Variants in FAM163A observed in about 807,000 individuals in gnomAD.
The protein encoded by FAM163A is protein FAM163A.
In FAM163A, 7 loss-of-function variants were observed where a neutral mutation model predicts 12.0. The observed-to-expected ratio is 0.58, with a 90% CI of 0.33 to 1.10. The LOEUF (loss-of-function observed/expected upper bound fraction) is 1.10, where lower values mean the gene tolerates loss of function less well. Ranked by LOEUF, FAM163A falls within the 50% of genes least tolerant of loss-of-function variation. The pLI is 0.03. For missense variants in FAM163A, 202 were observed against 218.6 expected (o/e 0.92, Z 0.48); for synonymous variants, 101 against 91.0 (o/e 1.11, Z -0.62).
chr1:179,757,798 C>T (rs1337772253), intron 1 of FAM163A, among the ~76,000 whole-genome samples: 3 of 150,328 alleles, frequency 2.0e-5, no homozygotes, highest in Non-Finnish European at 4.4e-5. Flanking sequence ...AGCGACAAAG[C>T]GAGACTGTCT....
At chr1:179,759,638 G>A (rs1029184467) in intron 1 of FAM163A, among the ~76,000 whole-genome samples, 1 of 152,050 alleles carries the variant, frequency 6.6e-6, no homozygotes, top group African/African-American at 2.4e-5. Flanking sequence ...GGAGGTGCAA[G>A]GTGGGACTGG....
At chr1:179,789,874 G>A (rs1369216499) in intron 1 of FAM163A, among the ~76,000 whole-genome samples, 4 of 152,218 alleles carry the variant, frequency 2.6e-5, no homozygotes, top group South Asian at 4.1e-4. Context: ...CATATTTTGG[G>A]TTGTGGGAAA....
At chr1:179,768,289 A>G (rs1571387665) in intron 1 of FAM163A, among the ~76,000 whole-genome samples, 1 of 152,118 alleles carries the variant, frequency 6.6e-6, no homozygotes, top group East Asian at 1.9e-4. Flanking sequence ...TTATTTTGCA[A>G]CTCATCACCC....
At chr1:179,740,151 T>G (rs1267336053), upstream of FAM163A, among the ~76,000 whole-genome samples, 2 of 149,120 alleles carry the variant, frequency 1.3e-5, no homozygotes, top group Non-Finnish European at 3.0e-5. Context: ...AAACAAATGT[T>G]TGTGGCAACT....
chr1:179,774,980 G>A (rs1688752223), intron 1 of FAM163A, among the ~76,000 whole-genome samples: 1 of 152,270 alleles, frequency 6.6e-6, no homozygotes, highest in South Asian at 2.1e-4. Flanking sequence ...CAAAACGCAC[G>A]GCAAAGCAAG....
At chr1:179,779,136 G>T (rs1037331241) in intron 1 of FAM163A, among the ~76,000 whole-genome samples, 2 of 152,214 alleles carry the variant, frequency 1.3e-5, no homozygotes, top group African/African-American at 4.8e-5. Context: ...TAATTTGGGT[G>T]TTAAGAATCT....
chr1:179,806,689 G>A (rs1000088794), intron 1 of FAM163A, among the ~76,000 whole-genome samples: 1 of 152,206 alleles, frequency 6.6e-6, no homozygotes, highest in South Asian at 2.1e-4. Flanking sequence ...CCCCACCCAG[G>A]GGGGGCCTTT....
the FAM163A span, among the ~76,000 whole-genome samples, chr1:179,728,258 C>T: frequency 4.6e-5 from 7 of 152,244 alleles, no homozygotes; most frequent in East Asian, 1.9e-4. Context: ...GTCCTGGGAA[C>T]GTACATGGTG....
chr1:179,806,598 G>A (rs529114045), intron 1 of FAM163A, among the ~76,000 whole-genome samples: 31 of 152,324 alleles, frequency 2.0e-4, no homozygotes, highest in African/African-American at 5.5e-4. Context: ...TGAGAACCTG[G>A]AGGTGGTTAG....
chr1:179,803,490 C>G (rs58529543), intron 1 of FAM163A, among the ~76,000 whole-genome samples: 4,298 of 152,292 alleles, frequency 0.028, 120 homozygotes, highest in East Asian at 0.085. Flanking sequence ...ACCCATTTCC[C>G]AGCACATTCT....
intron 1 of FAM163A, among the ~76,000 whole-genome samples, chr1:179,798,858 C>A (rs768786583): frequency 7.2e-5 from 11 of 152,152 alleles, no homozygotes; most frequent in African/African-American, 1.7e-4. Flanking sequence ...TCTAAAGTTT[C>A]TTTGGTATAA....
the FAM163A span, among the ~76,000 whole-genome samples, chr1:179,733,434 G>T: frequency 6.6e-6 from 1 of 152,154 alleles, no homozygotes; most frequent in Non-Finnish European, 1.5e-5. Flanking sequence ...GAGGATAGAT[G>T]CTTCACTTGT....
intron 1 of FAM163A, among the ~76,000 whole-genome samples, chr1:179,781,899 A>G (rs374481753): frequency 6.1e-5 from 9 of 146,492 alleles, no homozygotes; most frequent in Admixed American, 2.2e-4. Context: ...GTGCTGCTGC[A>G]CTCTAGCCTG....
At chr1:179,767,619 T>G (rs1687686717) in intron 1 of FAM163A, among the ~76,000 whole-genome samples, 1 of 152,152 alleles carries the variant, frequency 6.6e-6, no homozygotes, top group Non-Finnish European at 1.5e-5. Context: ...AAAAAACCCC[T>G]GTCCCCCACT....
chr1:179,744,095 T>C (rs1012491778), intron 1 of FAM163A, among the ~76,000 whole-genome samples: 7 of 151,990 alleles, frequency 4.6e-5, no homozygotes, highest in Non-Finnish European at 1.0e-4. Context: ...CGAAGTGCCT[T>C]CGCGGCGCGG....
At chr1:179,746,298 A>G (rs1265595600) in intron 1 of FAM163A, among the ~76,000 whole-genome samples, 1 of 152,234 alleles carries the variant, frequency 6.6e-6, no homozygotes, top group African/African-American at 2.4e-5. Flanking sequence ...GCACAAAGAT[A>G]TATGTACATT....
At chr1:179,803,224 A>C (rs1348862146) in intron 1 of FAM163A, among the ~76,000 whole-genome samples, 2 of 152,208 alleles carry the variant, frequency 1.3e-5, no homozygotes, top group African/African-American at 2.4e-5. Context: ...GAGAAGGCTT[A>C]ATTGCATCAG....
At chr1:179,742,975 A>C (rs1683842375), upstream of FAM163A, among the ~76,000 whole-genome samples, 1 of 152,208 alleles carries the variant, frequency 6.6e-6, no homozygotes, top group African/African-American at 2.4e-5. Flanking sequence ...CTGGTCCCTA[A>C]GATTCTCATG....
chr1:179,757,779 T>C (rs1686233525), intron 1 of FAM163A, among the ~76,000 whole-genome samples: 2 of 152,112 alleles, frequency 1.3e-5, no homozygotes, highest in South Asian at 2.1e-4. Flanking sequence ...GCCACTGCAC[T>C]CCAGCCTGAG....
Sources: allele counts gnomAD v4.1 joint callset (sites outside exome capture counted in the v4.1 genomes callset), GRCh38; gene constraint gnomAD v4.1.1; transcripts MANE v1.5; gene names NCBI Gene and HGNC (gene_info 2026-07-23, HGNC 2026-07-21).